The following TENM3 variants were observed in gnomAD, a reference collection of about 807,000 sequenced individuals.
TENM3 encodes teneurin-3.
A neutral mutation model predicts 255.1 loss-of-function variants in TENM3; 63 were observed. The ratio of observed to expected loss-of-function variants is 0.25; its 90% CI spans 0.20 to 0.30. The LOEUF is 0.30. Among genes scored for constraint, TENM3 ranks in the 10% least tolerant of loss-of-function variants. The pLI, the probability that TENM3 is intolerant of heterozygous loss-of-function variation, is 1.00. For synonymous variants in TENM3, 1,306 were observed against 1,322.3 expected (o/e 0.99, Z 0.27); for missense variants, 2,929 against 3,461.1 (o/e 0.85, Z 3.86).
the TENM3 span, among the ~76,000 whole-genome samples, chr4:182,010,310 A>G: frequency 2.6e-5 from 4 of 152,238 alleles, no homozygotes; most frequent in African/African-American, 7.2e-5. Context: ...CTGCATGCAT[A>G]CATATATACA....
the TENM3 span, among the ~76,000 whole-genome samples, chr4:181,777,990 C>T: frequency 3.3e-5 from 5 of 152,046 alleles, no homozygotes; most frequent in Admixed American, 2.6e-4. Flanking sequence ...TTTACCTACC[C>T]GTTACTTATG....
chr4:181,694,066 G>C, the TENM3 span, among the ~76,000 whole-genome samples: 1 of 152,120 alleles, frequency 6.6e-6, no homozygotes, highest in African/African-American at 2.4e-5. Flanking sequence ...CAATTCCACA[G>C]AATTGTTTAG....
chr4:182,680,830 C>A, intron 10 of TENM3, 93 bp downstream of exon 10: 1 of 1,003,296 alleles, frequency 1.0e-6, no homozygotes, highest in Non-Finnish European at 1.4e-6. Context: ...CTCTTTTATA[C>A]GCTTCCTTTT....
At chr4:181,566,515 G>A in the TENM3 span, among the ~76,000 whole-genome samples, 1 of 151,978 alleles carries the variant, frequency 6.6e-6, no homozygotes, top group African/African-American at 2.4e-5. Context: ...AATACCATCA[G>A]TTTGAGATTT....
the TENM3 span, among the ~76,000 whole-genome samples, chr4:181,963,837 TAA>T: frequency 6.6e-6 from 1 of 152,156 alleles, no homozygotes; most frequent in Non-Finnish European, 1.5e-5. Flanking sequence ...ATGGAATTCA[TAA>T]AGAGTCCCGT....
chr4:182,052,133 T>C, the TENM3 span, among the ~76,000 whole-genome samples: 1 of 152,204 alleles, frequency 6.6e-6, no homozygotes, highest in East Asian at 1.9e-4. Flanking sequence ...GTGCCAAAGC[T>C]GAAAAATGCT....
At chr4:182,679,587 A>T in intron 7 of TENM3, 79 bp from the exon 8 acceptor site, 1 of 1,119,346 alleles carries the variant, frequency 8.9e-7, no homozygotes. Context: ...GCAAAGGAAG[A>T]CAGATTGAAG....
chr4:181,747,924 A>C, the TENM3 span, among the ~76,000 whole-genome samples: 2 of 151,864 alleles, frequency 1.3e-5, no homozygotes, highest in Non-Finnish European at 2.9e-5. Flanking sequence ...GTCATCACCA[A>C]ATTTCTATTT....
At chr4:182,752,280 T>C (rs1762429219) in intron 20 of TENM3, among the ~76,000 whole-genome samples, 1 of 116,048 alleles carries the variant, frequency 8.6e-6, no homozygotes, top group Non-Finnish European at 1.8e-5. Flanking sequence ...TACCATTTTA[T>C]CAGCTCTTCA....
At chr4:182,274,954 A>C (rs868027610) in intron 1 of TENM3, among the ~76,000 whole-genome samples, 2 of 151,972 alleles carry the variant, frequency 1.3e-5, no homozygotes, top group African/African-American at 4.8e-5. Flanking sequence ...CCTCCCGCAT[A>C]GTTCAGATTA....
the TENM3 span, among the ~76,000 whole-genome samples, chr4:181,798,044 TTTC>T: frequency 6.6e-6 from 1 of 152,280 alleles, no homozygotes; most frequent in South Asian, 2.1e-4. Flanking sequence ...CTTGCCTATT[TTTC>T]TTCTTCTCTT....
At chr4:182,482,665 C>T (rs1292171780) in intron 3 of TENM3, among the ~76,000 whole-genome samples, 1 of 152,140 alleles carries the variant, frequency 6.6e-6, no homozygotes, top group Non-Finnish European at 1.5e-5. Context: ...TAGGCATTGT[C>T]TTGTACATGG....
intron 2 of TENM3, among the ~76,000 whole-genome samples, chr4:182,339,665 C>A (rs985613258): frequency 2.0e-5 from 3 of 152,142 alleles, no homozygotes; most frequent in African/African-American, 7.2e-5. Context: ...TGGTTCCTTG[C>A]CACGTTGCCC....
intron 3 of TENM3, among the ~76,000 whole-genome samples, chr4:182,471,898 A>G (rs1045407795): frequency 2.0e-5 from 3 of 152,242 alleles, no homozygotes; most frequent in East Asian, 3.9e-4. Context: ...GGTAATTAAG[A>G]TGGTGTCATT....
chr4:181,679,505 T>C, the TENM3 span, among the ~76,000 whole-genome samples: 19 of 152,144 alleles, frequency 1.2e-4, no homozygotes, highest in African/African-American at 4.6e-4. Flanking sequence ...CAGATGAGTA[T>C]AAACAAGCAA....
chr4:182,366,941 A>G (rs1766470237), intron 3 of TENM3, among the ~76,000 whole-genome samples: 1 of 152,132 alleles, frequency 6.6e-6, no homozygotes, highest in South Asian at 2.1e-4. Flanking sequence ...TTTAATCCCT[A>G]TATTACGTAT....
At position 182,736,940 on chromosome 4, in the gene TENM3, G is replaced by C. The variant is rs761162327; in HGVS notation, c.3100G>C (p.Val1034Leu). Reference protein sequence around the residue: ...QSIIPFNLMKVHLMVAVVGRL... With the variant: ...QSIIPFNLMKLHLMVAVVGRL... ...TATTATTCCATTTAATTTAATGAAGGTTCATCTTATGGTAGCTGTAGTAGG... is the reference window on the plus strand; with the variant it reads ...TATTATTCCATTTAATTTAATGAAGCTTCATCTTATGGTAGCTGTAGTAGG... The change falls in exon 17 of 28, where the codon GTT becomes CTT. Residue 1034 changes from valine to leucine, a missense_variant. Physicochemically the swap from Val to Leu is conservative, Grantham distance 32. Around this residue, in one of 6 missense-constraint regions of TENM3, gnomAD observed 1,608 missense variants for 1,884.4 expected, o/e 0.85. Coordinates refer to ENST00000511685, the MANE Select transcript of TENM3 (RefSeq NM_001080477.4). 10 of 1,613,808 alleles carry C rather than the reference G, an allele frequency of 6.2e-6. No homozygotes were observed. Among genetic ancestry groups the C allele is most frequent in the Middle Eastern group, 1.7e-4 (1 of 6,058 alleles).
At chr4:181,662,595 C>T in the TENM3 span, among the ~76,000 whole-genome samples, 11 of 152,168 alleles carry the variant, frequency 7.2e-5, no homozygotes, top group African/African-American at 2.7e-4. Flanking sequence ...CCCATTAGGA[C>T]ATTGTGTCAC....
chr4:182,294,837 G>A (rs189155054), intron 1 of TENM3, among the ~76,000 whole-genome samples: 32 of 152,314 alleles, frequency 2.1e-4, no homozygotes, highest in Non-Finnish European at 4.4e-5. Flanking sequence ...TTGAAAATAA[G>A]AATATGGACA....
Sources: allele counts gnomAD v4.1 joint callset (sites outside exome capture counted in the v4.1 genomes callset), GRCh38; gene constraint gnomAD v4.1.1; regional missense constraint gnomAD v4.1.1; transcripts MANE v1.5; gene names NCBI Gene and HGNC (gene_info 2026-07-23, HGNC 2026-07-21).